The following KAZN variants were observed in gnomAD, a reference collection of about 807,000 sequenced individuals.
KAZN encodes the protein kazrin.
KAZN carries 40 observed loss-of-function variants against 87.4 expected under a neutral mutation model. The ratio of observed to expected loss-of-function variants is 0.46; its 90% CI spans 0.36 to 0.60. The LOEUF (loss-of-function observed/expected upper bound fraction) is 0.60. Among genes scored for constraint, KAZN ranks in the 20% least tolerant of loss-of-function variants. The pLI is 0.00. For synonymous variants in KAZN, 466 were observed against 458.3 expected, an observed-to-expected ratio of 1.02 and a Z score of -0.22; for missense variants, 898 against 1,073.9, an observed-to-expected ratio of 0.84 and a Z score of 2.29.
chr1:14,487,187 T>C (rs1669394177), intron 2 of KAZN, among the ~76,000 whole-genome samples: 1 of 152,176 alleles, frequency 6.6e-6, no homozygotes, highest in South Asian at 2.1e-4. Flanking sequence ...TCAGGCCCCC[T>C]CCTTACCTCC....
chr1:14,543,058 A>G (rs963205984), intron 2 of KAZN, among the ~76,000 whole-genome samples: 1 of 152,206 alleles, frequency 6.6e-6, no homozygotes, highest in Non-Finnish European at 1.5e-5. Context: ...TAGCAGGATG[A>G]GAAACACAGG....
At chr1:14,388,606 GTC>G (rs1245635939) in intron 2 of KAZN, among the ~76,000 whole-genome samples, 2 of 152,126 alleles carry the variant, frequency 1.3e-5, no homozygotes, top group African/African-American at 4.8e-5. Context: ...GGGAAAAAAA[GTC>G]TCTTCAATAA....
intron 2 of KAZN, among the ~76,000 whole-genome samples, chr1:14,267,359 CAAAAAAA>C (rs61641430): frequency 9.6e-4 from 62 of 64,746 alleles, no homozygotes; most frequent in African/African-American, 3.0e-3. Context: ...AGCCGATAAG[CAAAAAAA>C]AAAAAAAAAA....
rs1650096235 is a variant in KAZN, at chr1:14,856,304, A to C, written c.227-104380A>C. Among the ~76,000 whole-genome samples the C allele has an allele frequency of 6.6e-6, 1 of 152,218 alleles. No individual in the cohort carries two copies. Among genetic ancestry groups the C allele is most frequent in the Non-Finnish European group, 1.5e-5 (1 of 68,034 alleles). ...ATACATATTCCCTGCTTTTATGGGTACCTATGCATTCATGCCTAAGTGTGA... is the reference window on the plus strand; with the variant it reads ...ATACATATTCCCTGCTTTTATGGGTCCCTATGCATTCATGCCTAAGTGTGA... On this transcript the variant is annotated intron_variant, in intron 1 of 14. Transcript: ENST00000376030. This position sits in a 1 kb window ranked among gnomAD's most constrained non-coding sequence, Gnocchi z 5.2.
intron 2 of KAZN, among the ~76,000 whole-genome samples, chr1:14,484,684 A>G (rs1271228417): frequency 6.6e-6 from 1 of 152,192 alleles, no homozygotes; most frequent in Non-Finnish European, 1.5e-5. Flanking sequence ...TCGGCTCCGC[A>G]AGGCGCATTC....
chr1:14,489,732 TTAAAAATAATAA>T (rs984584573), intron 2 of KAZN, among the ~76,000 whole-genome samples: 2 of 83,664 alleles, frequency 2.4e-5, no homozygotes, highest in Admixed American at 1.4e-4. Context: ...AGACTCTGTC[TTAAAAATAATAA>T]TAATAATAAT....
In KAZN at chr1:14,387,344, T is replaced by C. The variant is rs550103587; in HGVS notation, c.249+206752T>C. Among the ~76,000 whole-genome samples the C allele has an allele frequency of 2.5e-3, 383 of 152,228 alleles. 1 individual carries two copies. The highest frequency in any genetic ancestry group is 8.3e-3 in the African/African-American group (343 of 41,456). ...AGTCATTCTCCGTCCAGCTTTGTTC[T>C]GTTGCTGGTGAGGAACTGCGTTCCT... is the stretch of plus-strand genomic sequence containing the variant. On this transcript the variant is annotated intron_variant, in intron 2 of 16. Transcript: ENST00000636203.
chr1:14,443,833 A>T (rs79352019), intron 2 of KAZN, among the ~76,000 whole-genome samples: 1 of 152,206 alleles, frequency 6.6e-6, no homozygotes, highest in African/African-American at 2.4e-5. Context: ...GCATTTTGCT[A>T]TAATTTTATA....
intron 1 of KAZN, among the ~76,000 whole-genome samples, chr1:14,657,047 G>A (rs1230868608): frequency 6.7e-6 from 1 of 149,168 alleles, no homozygotes; most frequent in Non-Finnish European, 1.5e-5. Flanking sequence ...GTTTTAGGGA[G>A]CACCTCCTAG....
At position 15,066,037 on chromosome 1, in the gene KAZN, C is replaced by T. The variant is rs1415198360; in HGVS notation, c.1222+284C>T. ...TACCGCAAACCGTGTGTGAACCTGT[C>T]AACTCTCTGTCGTCTTTGGAGCGAT... On this transcript the variant is annotated intron_variant, in intron 8 of 14. Transcript: ENST00000376030. The surrounding 1 kb of genome is among the most constrained non-coding windows in gnomAD (Gnocchi z 4.3). 2 of 1,237,218 alleles carry T rather than the reference C, an allele frequency of 1.6e-6. No homozygotes were observed. The highest frequency in any genetic ancestry group is 3.4e-5 in the South Asian group (1 of 29,000). 76.6% of individuals were successfully genotyped at this position (1,237,218 alleles called of 1,614,324 possible). A position where few individuals can be genotyped will look rare whatever the true frequency, so the allele number is the denominator to read the frequency against.
At chr1:14,813,169 G>A (rs1017974649) in intron 1 of KAZN, among the ~76,000 whole-genome samples, 4 of 152,134 alleles carry the variant, frequency 2.6e-5, no homozygotes, top group African/African-American at 7.2e-5. Flanking sequence ...CCATTCATGG[G>A]TATGGTGGAT....
In KAZN at chr1:14,598,995, A is replaced by G; in HGVS notation, c.-3A>G. On this transcript the variant is annotated 5_prime_UTR_variant, in exon 1 of 15. An upstream open reading frame in the 5' UTR loses its in-frame stop. Coordinates refer to ENST00000376030, the MANE Select transcript of KAZN (RefSeq NM_201628.3). The surrounding 1 kb of genome is among the most constrained non-coding windows in gnomAD (Gnocchi z 4.2). ...CTCTCGCCCCCAGGCCAAAATCCTG[A>G]GCATGATGGAAGACAATAAGCAGCT... 6.4e-7 allele frequency: 1 copy of G among 1,569,838 alleles called. No individual in the cohort carries two copies. Among genetic ancestry groups the G allele is most frequent in the Non-Finnish European group, 8.6e-7 (1 of 1,161,606 alleles).
rs1240372496 is a variant in KAZN at position 14,856,826 on chromosome 1, CAG to C, written c.227-103856_227-103855del. On this transcript the variant is annotated intron_variant, in intron 1 of 14. Transcript: ENST00000376030. The surrounding 1 kb of genome is among the most constrained non-coding windows in gnomAD (Gnocchi z 5.2). The stretch of plus-strand genomic sequence containing the variant: ...GAGAGTTTGCAATTCAATCGGAACT[CAG>C]ACTTTTTTCCTCTGTTGTCATCCTT... Among the ~76,000 whole-genome samples, 1 of 152,160 alleles carries C rather than the reference CAG, an allele frequency of 6.6e-6. No homozygotes were observed. Among genetic ancestry groups the C allele is most frequent in the Non-Finnish European group, 1.5e-5 (1 of 68,038 alleles).
rs979354585 is a variant in KAZN at position 14,076,865 on chromosome 1, C to G, written c.92-103570C>G. ...GTGGGGCCCTGAGGCACACTAGGTTCTGTAGAATCAGCCCATGAATGGCTG... is the reference window on the plus strand; with the variant it reads ...GTGGGGCCCTGAGGCACACTAGGTTGTGTAGAATCAGCCCATGAATGGCTG... On this transcript the variant is annotated intron_variant, in intron 1 of 16. Transcript: ENST00000636203. Among the ~76,000 whole-genome samples the G allele has an allele frequency of 3.9e-5, 6 of 152,172 alleles. No individual in the cohort carries two copies. In the South Asian group the frequency reaches 6.2e-4, roughly 16 times the overall value.
At chr1:14,497,233 GA>G (rs1352155443) in intron 2 of KAZN, among the ~76,000 whole-genome samples, 1 of 146,264 alleles carries the variant, frequency 6.8e-6, no homozygotes, top group African/African-American at 2.5e-5. Flanking sequence ...ACAGATAGGA[GA>G]AAGTGAAATT....
intron 1 of KAZN, among the ~76,000 whole-genome samples, chr1:14,050,466 A>G (rs896440569): frequency 2.0e-5 from 3 of 152,152 alleles, no homozygotes; most frequent in Admixed American, 2.0e-4. Context: ...ACCATGGCAG[A>G]AGGGGAAGAA....
chr1:14,751,127 A>G (rs1401321996), intron 1 of KAZN, among the ~76,000 whole-genome samples: 1 of 152,210 alleles, frequency 6.6e-6, no homozygotes, highest in Admixed American at 6.5e-5. Context: ...TTTATTGCCT[A>G]GGGGAAATCA....
intron 1 of KAZN, among the ~76,000 whole-genome samples, chr1:14,910,061 T>TAAATAATG (rs71000348): frequency 0.031 from 4,636 of 147,292 alleles, 109 homozygotes; most frequent in East Asian, 0.093. Flanking sequence ...AATAAATAAA[T>TAAATAATG]AATGAATGAA....
intron 1 of KAZN, among the ~76,000 whole-genome samples, chr1:14,756,384 C>T (rs894452771): frequency 5.9e-5 from 9 of 152,162 alleles, no homozygotes; most frequent in Admixed American, 4.6e-4. Context: ...TTCTGTCAGC[C>T]CCCCTGCAAA....
Sources: allele counts gnomAD v4.1 joint callset (sites outside exome capture counted in the v4.1 genomes callset), GRCh38; gene constraint gnomAD v4.1.1; non-coding constraint Gnocchi (gnomAD v3.1); transcripts MANE v1.5; gene names NCBI Gene and HGNC (gene_info 2026-07-23, HGNC 2026-07-21).